The following TRAF3 variants were observed in gnomAD, a reference collection of about 807,000 sequenced individuals.
TRAF3 encodes TNF receptor-associated factor 3.
In TRAF3, 13 loss-of-function variants were observed where a neutral mutation model predicts 62.3. That is an observed-to-expected ratio of 0.21 (90% CI 0.14 to 0.33). The LOEUF is 0.33. Ranked by LOEUF, TRAF3 falls within the 10% of genes least tolerant of loss-of-function variation. The pLI is 1.00. For missense variants in TRAF3, 440 were observed against 741.8 expected (o/e 0.59, Z 4.73); for synonymous variants, 269 against 283.4 (o/e 0.95, Z 0.51).
At chr14:102,828,038 C>T (rs561494646) in intron 1 of TRAF3, among the ~76,000 whole-genome samples, 1 of 152,386 alleles carries the variant, frequency 6.6e-6, no homozygotes, top group Non-Finnish European at 1.5e-5. Context: ...TAGCGCACAG[C>T]GCACTCGTTT....
chr14:102,829,420 T>A (rs1404036015), intron 1 of TRAF3, among the ~76,000 whole-genome samples: 1 of 152,212 alleles, frequency 6.6e-6, no homozygotes, highest in Admixed American at 6.5e-5. Flanking sequence ...GGTCTCTTGG[T>A]TCCTGGCAAC....
rs374022082 is a variant in TRAF3 at position 102,853,552 on chromosome 14, C to T, written c.-17-16633C>T. Among the ~76,000 whole-genome samples, 19 of 151,682 alleles carry T rather than the reference C, an allele frequency of 1.3e-4. No individual in the cohort carries two copies. In the East Asian group the frequency reaches 2.4e-3, roughly 19 times the overall value. On this transcript the variant is annotated intron_variant, in intron 2 of 11. Transcript: ENST00000392745. ...GGCTTTGTGTATATTCAGAATGTTACGGCCGGGCGTGGTGGCTCATGCCTG... is the reference window on the plus strand; with the variant it reads ...GGCTTTGTGTATATTCAGAATGTTATGGCCGGGCGTGGTGGCTCATGCCTG...
intron 1 of TRAF3, among the ~76,000 whole-genome samples, chr14:102,818,566 C>G (rs1899687364): frequency 6.6e-6 from 1 of 152,176 alleles, no homozygotes; most frequent in African/African-American, 2.4e-5. Flanking sequence ...TTAATCAAAT[C>G]CTAACTCTCT....
chr14:102,907,546 C>G lies in TRAF3; in HGVS notation c.*1762C>G, dbSNP rs1050631565. 6.6e-6 allele frequency: 1 copy of G among 152,314 alleles called. No homozygotes were observed. Among genetic ancestry groups the G allele is most frequent in the African/African-American group, 2.4e-5 (1 of 41,466 alleles). The allele number at this position is 152,314 out of a possible 1,614,324, so 9.4% of individuals were successfully genotyped here. Reference sequence around the variant, plus strand: ...CAAAACCAATGTGTGCGAACTGTCACACCTGTGCCACTCGCCCACAAGCCG... The same window carrying G: ...CAAAACCAATGTGTGCGAACTGTCAGACCTGTGCCACTCGCCCACAAGCCG... On this transcript the variant is annotated 3_prime_UTR_variant, in exon 12 of 12. Coordinates refer to ENST00000392745, the MANE Select transcript of TRAF3 (RefSeq NM_145725.3).
At chr14:102,843,769 CTG>C (rs1352628515) in intron 2 of TRAF3, among the ~76,000 whole-genome samples, 4 of 151,974 alleles carry the variant, frequency 2.6e-5, no homozygotes, top group African/African-American at 9.7e-5. Context: ...GATCACACCA[CTG>C]TACTCCAGCC....
At chr14:102,846,863 A>G (rs1595358666) in intron 2 of TRAF3, among the ~76,000 whole-genome samples, 3 of 152,062 alleles carry the variant, frequency 2.0e-5, no homozygotes, top group South Asian at 2.1e-4. Flanking sequence ...TTACTTACGT[A>G]TGTGGTGGAA....
At chr14:102,876,066 T>G (rs1398327366) in intron 5 of TRAF3, among the ~76,000 whole-genome samples, 2 of 152,248 alleles carry the variant, frequency 1.3e-5, no homozygotes, top group African/African-American at 4.8e-5. Context: ...TACCATATTT[T>G]AGCTTAGAAA....
At chr14:102,788,074 C>T (rs560842921) in intron 1 of TRAF3, among the ~76,000 whole-genome samples, 7 of 151,598 alleles carry the variant, frequency 4.6e-5, no homozygotes, top group South Asian at 4.2e-4. Context: ...AGGCTGGTCT[C>T]GAACTCCTGT....
chr14:102,796,334 C>T lies in TRAF3; in HGVS notation c.-157+18659C>T, dbSNP rs1192260759. 5.9e-5 allele frequency among the ~76,000 whole-genome samples: 9 copies of T among 152,258 alleles called. No homozygotes were observed. The South Asian group carries it at 8.3e-4, about 14-fold the overall frequency. On this transcript the variant is annotated intron_variant, in intron 1 of 11. Coordinates refer to ENST00000392745, the MANE Select transcript of TRAF3 (RefSeq NM_145725.3). ...GAGGCTCCCGCCTGGCCTCATACCT[C>T]GCCCTTTGCGTCCCTTCATCTGTGT...
chr14:102,889,996 A>G (rs1228641890), intron 8 of TRAF3, among the ~76,000 whole-genome samples: 1 of 152,284 alleles, frequency 6.6e-6, no homozygotes, highest in African/African-American at 2.4e-5. Context: ...CAAACTGAGC[A>G]TAGTTTCAAC....
intron 10 of TRAF3, among the ~76,000 whole-genome samples, chr14:102,901,123 C>T (rs770989452): frequency 5.9e-5 from 9 of 152,290 alleles, no homozygotes; most frequent in South Asian, 2.1e-4. Flanking sequence ...TCTGTGCATG[C>T]GGTGCACGCA....
chr14:102,854,756 C>T (rs1412593110), intron 2 of TRAF3, among the ~76,000 whole-genome samples: 1 of 149,886 alleles, frequency 6.7e-6, no homozygotes, highest in Non-Finnish European at 1.5e-5. Flanking sequence ...CCACCTCAGC[C>T]TTTCAAAGTG....
intron 1 of TRAF3, among the ~76,000 whole-genome samples, chr14:102,784,023 TGTTA>T (rs1448406071): frequency 1.3e-5 from 2 of 152,160 alleles, no homozygotes; most frequent in Non-Finnish European, 2.9e-5. Flanking sequence ...TATCAGATCT[TGTTA>T]GTTAGGGACC....
At chr14:102,874,545 C>G (rs1027247170) in intron 4 of TRAF3, among the ~76,000 whole-genome samples, 1 of 151,478 alleles carries the variant, frequency 6.6e-6, no homozygotes, top group Admixed American at 6.6e-5. Context: ...AGAGGTGAGT[C>G]ACTGTTCCCA....
chr14:102,889,384 C>T (rs1285102794), intron 7 of TRAF3, among the ~76,000 whole-genome samples, 176 bp from the exon 8 acceptor site: 1 of 152,206 alleles, frequency 6.6e-6, no homozygotes, highest in Non-Finnish European at 1.5e-5. Context: ...TGTGTATACA[C>T]GTGACTAGAC....
intron 1 of TRAF3, among the ~76,000 whole-genome samples, chr14:102,811,913 C>CCTTTTTTTTTTTTT (rs1381571409): frequency 2.1e-5 from 1 of 47,076 alleles, no homozygotes; most frequent in African/African-American, 8.2e-5. Context: ...ATGCCTGGCC[C>CCTTTTTTTTTTTTT]TTTTTTTTTT....
At chr14:102,895,017 G>A (rs187316248) in intron 9 of TRAF3, 337 of 453,638 alleles carry the variant, frequency 7.4e-4, no homozygotes, top group African/African-American at 5.9e-3. Flanking sequence ...ACAATGTTTT[G>A]GAGACATTAC....
intron 1 of TRAF3, among the ~76,000 whole-genome samples, chr14:102,781,174 CA>C (rs1397836964): frequency 1.9e-5 from 2 of 105,066 alleles, no homozygotes; most frequent in Non-Finnish European, 2.6e-5. Context: ...GTCCCTCTTA[CA>C]GGGCCCCCTC....
chr14:102,857,624 G>A (rs765453102), intron 2 of TRAF3, among the ~76,000 whole-genome samples: 60 of 152,100 alleles, frequency 3.9e-4, no homozygotes, highest in Non-Finnish European at 7.9e-4. Context: ...TGGGCCTGTC[G>A]GAAAGTGACA....
Sources: gnomAD v4.1 joint callset for allele counts (sites outside exome capture counted in the v4.1 genomes callset) on GRCh38, gnomAD v4.1.1 for gene constraint, MANE v1.5 for transcripts, NCBI Gene and HGNC (gene_info 2026-07-23, HGNC 2026-07-21) for gene names.